CCDC149: variants seen among roughly 807,000 people sequenced by gnomAD.
CCDC149 encodes coiled-coil domain-containing protein 149.
A neutral mutation model predicts 59.9 loss-of-function variants in CCDC149; 45 were observed. The observed-to-expected ratio is 0.75, with a 90% CI of 0.59 to 0.96. The LOEUF (loss-of-function observed/expected upper bound fraction) is 0.96, where lower values mean the gene tolerates loss of function less well. CCDC149 is among the 40% of genes least tolerant of loss of function. CCDC149 has a pLI of 0.00. For synonymous variants in CCDC149, 245 were observed against 260.6 expected, an observed-to-expected ratio of 0.94 and a Z score of 0.58; for missense variants, 584 against 664.7, an observed-to-expected ratio of 0.88 and a Z score of 1.33.
At chr4:24,959,194 A>C (rs1723564282) in intron 1 of CCDC149, among the ~76,000 whole-genome samples, 1 of 152,108 alleles carries the variant, frequency 6.6e-6, no homozygotes, top group Admixed American at 6.5e-5. Flanking sequence ...CAGGATGGTC[A>C]CAATCTCCTG....
chr4:24,956,930 G>A (rs1723483774), intron 1 of CCDC149, among the ~76,000 whole-genome samples: 1 of 152,196 alleles, frequency 6.6e-6, no homozygotes, highest in Admixed American at 6.5e-5. Context: ...TCTGTACTAG[G>A]CCTAGGCTAC....
chr4:24,915,574 T>C (rs1722099661), upstream of CCDC149, among the ~76,000 whole-genome samples: 1 of 152,196 alleles, frequency 6.6e-6, no homozygotes, highest in African/African-American at 2.4e-5. Context: ...GCTTTCCTTC[T>C]CCGAAATAAG....
chr4:24,844,959 T>A (rs759861009), intron 4 of CCDC149, among the ~76,000 whole-genome samples: 17 of 152,150 alleles, frequency 1.1e-4, no homozygotes, highest in Non-Finnish European at 2.2e-4. Context: ...TATCCTTATT[T>A]GCACATGAGA....
At chr4:24,891,403 A>T (rs1026434733) in intron 1 of CCDC149, among the ~76,000 whole-genome samples, 5 of 152,192 alleles carry the variant, frequency 3.3e-5, no homozygotes, top group African/African-American at 1.2e-4. Context: ...GACCCAAATT[A>T]ATTATGGCTT....
At chr4:24,847,398 T>A (rs542675054) in intron 4 of CCDC149, among the ~76,000 whole-genome samples, 1 of 152,346 alleles carries the variant, frequency 6.6e-6, no homozygotes, top group African/African-American at 2.4e-5. Context: ...TGTTCTCTTT[T>A]CTTCTCAGAC....
chr4:24,848,289 CG>C (rs1467607544), intron 4 of CCDC149, among the ~76,000 whole-genome samples: 1 of 152,044 alleles, frequency 6.6e-6, no homozygotes, highest in East Asian at 1.9e-4. Flanking sequence ...AATAATGCCT[CG>C]GCCAGGCACG....
intron 1 of CCDC149, among the ~76,000 whole-genome samples, chr4:24,960,477 TA>T (rs528247555): frequency 1.3e-3 from 204 of 152,282 alleles, no homozygotes; most frequent in Middle Eastern, 6.8e-3. Context: ...TGGATTGGAT[TA>T]AAAATCATGA....
intron 1 of CCDC149, among the ~76,000 whole-genome samples, chr4:24,951,842 A>G (rs1723300136): frequency 6.6e-6 from 1 of 152,234 alleles, no homozygotes; most frequent in African/African-American, 2.4e-5. Context: ...TTGCATGTTA[A>G]TAATCCAAAT....
chr4:24,922,247 T>C (rs886977749), intron 1 of CCDC149, among the ~76,000 whole-genome samples: 1 of 152,194 alleles, frequency 6.6e-6, no homozygotes, highest in Non-Finnish European at 1.5e-5. Context: ...AACTTTCTTT[T>C]CGATGAGACA....
At chr4:24,943,948 G>A (rs1450148795) in intron 1 of CCDC149, among the ~76,000 whole-genome samples, 1 of 152,186 alleles carries the variant, frequency 6.6e-6, no homozygotes, top group African/African-American at 2.4e-5. Context: ...TTACACTGTT[G>A]GCGGGACTGT....
intron 12 of CCDC149, among the ~76,000 whole-genome samples, chr4:24,812,887 G>C (rs1383086433): frequency 6.6e-6 from 1 of 152,176 alleles, no homozygotes; most frequent in Non-Finnish European, 1.5e-5. Context: ...CCACCCCCAT[G>C]ATTCAATTAT....
chr4:24,921,155 C>G (rs1415050645), intron 1 of CCDC149, among the ~76,000 whole-genome samples: 1 of 152,190 alleles, frequency 6.6e-6, no homozygotes, highest in Non-Finnish European at 1.5e-5. Context: ...GTCTTCTCAT[C>G]AATACTATAA....
chr4:24,829,341 C>T (rs185828993), intron 9 of CCDC149: 1 of 152,058 alleles, frequency 6.6e-6, no homozygotes, highest in Non-Finnish European at 1.5e-5. Context: ...TACAAGAGAT[C>T]TGAGAAGAGT....
chr4:24,831,479 C>A, intron 9 of CCDC149, 27 bp downstream of exon 9: 2 of 1,612,284 alleles, frequency 1.2e-6, no homozygotes, highest in Non-Finnish European at 1.7e-6. Context: ...CGCGCCCACC[C>A]CCCAACACAA....
intron 1 of CCDC149, among the ~76,000 whole-genome samples, chr4:24,900,751 T>C: frequency 6.6e-6 from 1 of 152,214 alleles, no homozygotes; most frequent in East Asian, 1.9e-4. Context: ...AAGATTGGCA[T>C]CATGGAGGAT....
At chr4:24,838,381 T>C in intron 4 of CCDC149, 109 bp from the exon 5 acceptor site, 1 of 754,056 alleles carries the variant, frequency 1.3e-6, no homozygotes, top group Non-Finnish European at 2.3e-6. Context: ...TTTCAAGAAA[T>C]ACTGGAGAAA....
chr4:24,806,058 G>A (rs1424043490), downstream of CCDC149: 1 of 152,140 alleles, frequency 6.6e-6, no homozygotes, highest in Non-Finnish European at 1.5e-5. Flanking sequence ...AGTGAAGTAG[G>A]GGACAGAATG....
At chr4:24,860,654 G>A (rs1718317443) in intron 3 of CCDC149, among the ~76,000 whole-genome samples, 1 of 152,148 alleles carries the variant, frequency 6.6e-6, no homozygotes, top group African/African-American at 2.4e-5. Context: ...AGAGTAAACA[G>A]ACAACCCACA....
chr4:24,921,415 C>T (rs765747807), intron 1 of CCDC149, among the ~76,000 whole-genome samples: 5 of 152,202 alleles, frequency 3.3e-5, no homozygotes, highest in African/African-American at 1.2e-4. Context: ...ATTCAACACC[C>T]CCATCCAGGA....
Sources: allele counts gnomAD v4.1 joint callset (sites outside exome capture counted in the v4.1 genomes callset), GRCh38; gene constraint gnomAD v4.1.1; transcripts MANE v1.5; gene names NCBI Gene and HGNC (gene_info 2026-07-23, HGNC 2026-07-21).